GRIN2B: variants seen among roughly 807,000 people sequenced by gnomAD.
GRIN2B encodes glutamate ionotropic receptor NMDA type subunit 2B, also known as glutamate receptor ionotropic, NMDA 2B.
GRIN2B carries 5 observed loss-of-function variants against 114.5 expected under a neutral mutation model. The observed-to-expected ratio is 0.04, with a 90% CI of 0.02 to 0.09. The LOEUF (loss-of-function observed/expected upper bound fraction) is 0.09. Among genes scored for constraint, GRIN2B ranks in the 10% least tolerant of loss-of-function variants. The pLI is 1.00. For synonymous variants in GRIN2B, 787 were observed against 745.1 expected (o/e 1.06, Z -0.92); for missense variants, 1,108 against 1,943.5 (o/e 0.57, Z 8.08).
intron 2 of GRIN2B, among the ~76,000 whole-genome samples, chr12:13,964,132 A>AT (rs1161237692): frequency 1.3e-5 from 2 of 152,160 alleles, no homozygotes; most frequent in Non-Finnish European, 2.9e-5. Flanking sequence ...GAAAGCTAGT[A>AT]TTCCTCTATT....
At chr12:13,920,872 C>G (rs972136916) in intron 2 of GRIN2B, among the ~76,000 whole-genome samples, 29 of 152,250 alleles carry the variant, frequency 1.9e-4, no homozygotes, top group African/African-American at 7.0e-4. Flanking sequence ...TAAATTTCCT[C>G]TTCAAAATAC....
intron 2 of GRIN2B, among the ~76,000 whole-genome samples, chr12:13,886,091 C>G (rs546842718): frequency 2.0e-5 from 3 of 152,290 alleles, no homozygotes; most frequent in Non-Finnish European, 4.4e-5. Flanking sequence ...CAAGTACACA[C>G]AAGTCTCAGA....
rs1464967123 is a variant in GRIN2B, at chr12:13,569,867, G to A, written c.2322C>T (p.Arg774=). 1.2e-6 allele frequency: 2 copies of A among 1,610,878 alleles called. No homozygotes were observed. The highest frequency in any genetic ancestry group is 1.7e-6 in the Non-Finnish European group (2 of 1,178,318). ...GCTGCAGGATAGCAAGGTCCACCTG[G>A]CGCTTCCACCCAGAATCTTTTTGGA... ...IAIQKDSGWK[R]QVDLAILQLF... is the part of the protein sequence containing the mutation. The change falls in exon 12 of 14, where the codon CGC becomes CGT. Residue 774 remains arginine (R), a synonymous_variant. Coordinates refer to ENST00000609686, the MANE Select transcript of GRIN2B (RefSeq NM_000834.5).
rs532663961 is a variant in GRIN2B at position 13,685,113 on chromosome 12, C to T, written c.1011-9254G>A. 7.9e-5 allele frequency among the ~76,000 whole-genome samples: 12 copies of T among 152,274 alleles called. No homozygotes were observed. In the South Asian group the frequency reaches 1.0e-3, roughly 13 times the overall value. ...TAAAGTGACCTAGGTATGATATCAA[C>T]GGAAAAGAATAAGAAGGCTTTTCTC... is the stretch of plus-strand genomic sequence containing the variant. On this transcript the variant is annotated intron_variant, in intron 4 of 13. Coordinates refer to ENST00000609686, the MANE Select transcript of GRIN2B (RefSeq NM_000834.5).
At chr12:13,975,421 G>A (rs1438509870) in intron 2 of GRIN2B, among the ~76,000 whole-genome samples, 1 of 152,212 alleles carries the variant, frequency 6.6e-6, no homozygotes, top group Non-Finnish European at 1.5e-5. Flanking sequence ...TCAATGGCAT[G>A]GTGTACAAAG....
At chr12:13,577,585 C>T (rs1198554448) in intron 10 of GRIN2B, among the ~76,000 whole-genome samples, 1 of 152,140 alleles carries the variant, frequency 6.6e-6, no homozygotes, top group Non-Finnish European at 1.5e-5. Context: ...AAGGGAAGTA[C>T]GGATCTGGTC....
intron 2 of GRIN2B, among the ~76,000 whole-genome samples, chr12:13,969,114 G>A (rs541116721): frequency 1.3e-5 from 2 of 152,326 alleles, no homozygotes; most frequent in South Asian, 4.1e-4. Flanking sequence ...AGTACCATGA[G>A]TTTCTCATCC....
intron 3 of GRIN2B, among the ~76,000 whole-genome samples, chr12:13,782,583 A>G (rs1378681444): frequency 6.6e-6 from 1 of 152,232 alleles, no homozygotes; most frequent in Non-Finnish European, 1.5e-5. Flanking sequence ...CTCTTGTTTT[A>G]AGATCAATGA....
chr12:13,691,657 T>C (rs1166379084), intron 4 of GRIN2B, among the ~76,000 whole-genome samples: 1 of 152,148 alleles, frequency 6.6e-6, no homozygotes, highest in Non-Finnish European at 1.5e-5. Context: ...CAGTGTTTGA[T>C]GTCTTCAATT....
chr12:13,574,296 A>G (rs1948745316), intron 10 of GRIN2B, among the ~76,000 whole-genome samples: 1 of 152,264 alleles, frequency 6.6e-6, no homozygotes, highest in Non-Finnish European at 1.5e-5. Context: ...ACTATCAAAT[A>G]CAACACTTCA....
rs1014953368 is a variant in GRIN2B, at chr12:13,549,976, C to A, written c.*12807G>T. On this transcript the variant is annotated 3_prime_UTR_variant, in exon 14 of 14. Coordinates refer to ENST00000609686, the MANE Select transcript of GRIN2B (RefSeq NM_000834.5). ...GCTGAAAACCTACAGTGGGGGCAGA[C>A]AATTCAGGCAGCATTACTCGCTGAG... 9 of 152,086 alleles carry A rather than the reference C, an allele frequency of 5.9e-5. No individual in the cohort carries two copies. Among genetic ancestry groups the A allele is most frequent in the African/African-American group, 1.9e-4 (8 of 41,412 alleles). 9.4% of individuals were successfully genotyped at this position (152,086 alleles called of 1,614,324 possible).
chr12:13,719,037 T>G (rs554196460), intron 4 of GRIN2B, among the ~76,000 whole-genome samples: 1 of 152,022 alleles, frequency 6.6e-6, no homozygotes, highest in Admixed American at 6.6e-5. Context: ...CCCACCCACA[T>G]GCCTGTTGTC....
intron 4 of GRIN2B, among the ~76,000 whole-genome samples, chr12:13,731,350 A>G (rs574810940): frequency 1.3e-5 from 2 of 152,298 alleles, no homozygotes; most frequent in East Asian, 3.9e-4. Flanking sequence ...CTGTAATCCC[A>G]GCACTTTGGG....
intron 4 of GRIN2B, among the ~76,000 whole-genome samples, chr12:13,690,457 A>T (rs1038627481): frequency 2.6e-5 from 4 of 151,642 alleles, no homozygotes; most frequent in South Asian, 4.1e-4. Context: ...TTATTAATTT[A>T]AAAAAAGAAT....
intron 3 of GRIN2B, among the ~76,000 whole-genome samples, chr12:13,769,145 A>G (rs752421910): frequency 1.2e-4 from 18 of 152,172 alleles, no homozygotes; most frequent in Non-Finnish European, 2.5e-4. Flanking sequence ...TCCCATTTTC[A>G]TGAGGCAAAC....
chr12:13,673,333 A>G (rs1229352158), intron 5 of GRIN2B, among the ~76,000 whole-genome samples: 1 of 152,164 alleles, frequency 6.6e-6, no homozygotes, highest in Non-Finnish European at 1.5e-5. Flanking sequence ...ATTGTGAGAC[A>G]GGAAATCATG....
intron 5 of GRIN2B, among the ~76,000 whole-genome samples, chr12:13,626,069 G>A (rs180963570): frequency 2.0e-4 from 31 of 152,256 alleles, no homozygotes; most frequent in Admixed American, 5.2e-4. Context: ...ATAATCCTCA[G>A]AGTCCTATTC....
intron 3 of GRIN2B, among the ~76,000 whole-genome samples, chr12:13,805,647 C>T (rs2136678440): frequency 6.6e-6 from 1 of 152,156 alleles, no homozygotes; most frequent in East Asian, 1.9e-4. Flanking sequence ...TAGTGTACTA[C>T]ATGATGTTTT....
chr12:13,815,474 A>C (rs771246955), intron 3 of GRIN2B, among the ~76,000 whole-genome samples: 39 of 152,204 alleles, frequency 2.6e-4, no homozygotes, highest in Non-Finnish European at 5.7e-4. Flanking sequence ...AAAATGATTT[A>C]AAATGATAAA....
Sources: gnomAD v4.1 joint callset for allele counts (sites outside exome capture counted in the v4.1 genomes callset) on GRCh38, gnomAD v4.1.1 for gene constraint, MANE v1.5 for transcripts, NCBI Gene and HGNC (gene_info 2026-07-23, HGNC 2026-07-21) for gene names.